GGACT: variants seen among roughly 807,000 people sequenced by gnomAD.
The protein encoded by GGACT is gamma-glutamylamine cyclotransferase.
For missense variants in GGACT, 241 were observed against 233.2 expected (o/e 1.03, Z -0.22); for synonymous variants, 118 against 115.3 (o/e 1.02, Z -0.15).
chr13:100,561,382 A>G (rs1375629707), intron 2 of GGACT, among the ~76,000 whole-genome samples: 1 of 152,236 alleles, frequency 6.6e-6, no homozygotes, highest in African/African-American at 2.4e-5. Context: ...GTATAGATCC[A>G]TAGCAAACAA....
intron 2 of GGACT, among the ~76,000 whole-genome samples, chr13:100,566,726 C>G (rs941373589): frequency 1.3e-5 from 2 of 152,214 alleles, no homozygotes; most frequent in Non-Finnish European, 2.9e-5. Context: ...TGAACACAGT[C>G]ATGTCTGTTT....
At chr13:100,560,917 A>G (rs1207058096) in intron 2 of GGACT, among the ~76,000 whole-genome samples, 1 of 152,186 alleles carries the variant, frequency 6.6e-6, no homozygotes, top group East Asian at 1.9e-4. Context: ...AATTGTGAAC[A>G]TCTCTGACAG....
chr13:100,572,997 G>A (rs947012723), intron 2 of GGACT, among the ~76,000 whole-genome samples: 1 of 151,990 alleles, frequency 6.6e-6, no homozygotes, highest in African/African-American at 2.4e-5. Flanking sequence ...AGAAGCATAG[G>A]GTATTAAGGC....
chr13:100,562,397 C>T (rs1256730454), intron 2 of GGACT, among the ~76,000 whole-genome samples: 1 of 152,218 alleles, frequency 6.6e-6, no homozygotes, highest in African/African-American at 2.4e-5. Context: ...GCACCTCACG[C>T]AGTACCTGTG....
At chr13:100,572,009 A>G (rs1875096342) in intron 2 of GGACT, among the ~76,000 whole-genome samples, 1 of 152,232 alleles carries the variant, frequency 6.6e-6, no homozygotes, top group East Asian at 1.9e-4. Context: ...GTTCTTTATT[A>G]TGAAATTTAA....
At chr13:100,542,010 T>C (rs2088559142) in intron 2 of GGACT, among the ~76,000 whole-genome samples, 1 of 152,230 alleles carries the variant, frequency 6.6e-6, no homozygotes. Context: ...TTTCTGATTG[T>C]GTTTTGAACA....
intron 2 of GGACT, among the ~76,000 whole-genome samples, chr13:100,543,853 T>G (rs2088578612): frequency 6.6e-6 from 1 of 152,254 alleles, no homozygotes; most frequent in South Asian, 2.1e-4. Context: ...TCTTTACATT[T>G]GCTGCATTAA....
intron 2 of GGACT, among the ~76,000 whole-genome samples, chr13:100,565,622 G>A (rs2088804336): frequency 6.6e-6 from 1 of 152,126 alleles, no homozygotes; most frequent in Non-Finnish European, 1.5e-5. Flanking sequence ...TTACGTTGAT[G>A]ATGACGCCCA....
At position 100,532,003 on chromosome 13, in the gene GGACT, A is replaced by C. The variant is rs1295783701; in HGVS notation, c.*127T>G. 1 of 559,482 alleles carries C rather than the reference A, an allele frequency of 1.8e-6. No homozygotes were observed. Among genetic ancestry groups the C allele is most frequent in the East Asian group, 3.2e-5 (1 of 30,900 alleles). 34.7% of individuals were successfully genotyped at this position (559,482 alleles called of 1,614,324 possible). ...ATTTGTAAAATCAGCTGCCACTGAA[A>C]GATTGGTTCCTTTCCGGCAGATTCA... On this transcript the variant is annotated 3_prime_UTR_variant, in exon 3 of 3. Transcript: ENST00000683975.
In GGACT at chr13:100,545,827, C is replaced by T. The variant is rs1025783917; in HGVS notation, c.-10-13226G>A. 4.6e-5 allele frequency among the ~76,000 whole-genome samples: 7 copies of T among 152,316 alleles called. No homozygotes were observed. The highest frequency in any genetic ancestry group is 1.9e-4 in the East Asian group (1 of 5,176). ...TTGCAAGCAGAACCTGTTCCCCCTACAGAAGGAAGTAAGGGTTCGGAGAAT... is the reference window on the plus strand; with the variant it reads ...TTGCAAGCAGAACCTGTTCCCCCTATAGAAGGAAGTAAGGGTTCGGAGAAT... On this transcript the variant is annotated intron_variant, in intron 2 of 2. Coordinates refer to ENST00000683975, the MANE Select transcript of GGACT (RefSeq NM_001195087.2). This position sits in a 1 kb window ranked among gnomAD's most constrained non-coding sequence, Gnocchi z 4.4.
chr13:100,586,105 G>A (rs1185002367), intron 1 of GGACT, among the ~76,000 whole-genome samples: 1 of 152,112 alleles, frequency 6.6e-6, no homozygotes, highest in East Asian at 1.9e-4. Flanking sequence ...TCATGGACTA[G>A]GTTTTAGAAA....
chr13:100,538,612 G>A (rs2088520871), intron 2 of GGACT: 1 of 152,168 alleles, frequency 6.6e-6, no homozygotes, highest in Admixed American at 6.5e-5. Flanking sequence ...CAGATAAGGA[G>A]GAATTCCTGT....
At chr13:100,566,423 A>C (rs1215239863) in intron 2 of GGACT, among the ~76,000 whole-genome samples, 1 of 151,640 alleles carries the variant, frequency 6.6e-6, no homozygotes, top group East Asian at 1.9e-4. Context: ...ACTCCTCAGC[A>C]CTCTGCCTGG....
chr13:100,588,485 G>A (rs1002373758), intron 1 of GGACT: 5 of 152,200 alleles, frequency 3.3e-5, no homozygotes, highest in African/African-American at 1.2e-4. Flanking sequence ...TGCCCGTTCT[G>A]GCAATCGCGC....
At position 100,530,437 on chromosome 13, in the gene GGACT, A is replaced by ATTAG; in HGVS notation, c.*1689_*1692dup. On this transcript the variant is annotated 3_prime_UTR_variant, in exon 3 of 3. Transcript: ENST00000683975. ...AATAAAACTGAGCATTTGTCTAAATATTAGTTTGCCCTTTCTTTGAATGAA... is the reference window on the plus strand; with the variant it reads ...AATAAAACTGAGCATTTGTCTAAATATTAGTTAGTTTGCCCTTTCTTTGAATGAA... 3 of 550,140 alleles carry ATTAG rather than the reference A, an allele frequency of 5.5e-6. No individual in the cohort carries two copies. Among genetic ancestry groups the ATTAG allele is most frequent in the Non-Finnish European group, 9.8e-6 (3 of 306,280 alleles). 34.1% of individuals were successfully genotyped at this position (550,140 alleles called of 1,614,324 possible). A position where few individuals can be genotyped will look rare whatever the true frequency, so the allele number is the denominator to read the frequency against.
intron 2 of GGACT, among the ~76,000 whole-genome samples, chr13:100,567,217 A>G (rs1874920901): frequency 6.6e-6 from 1 of 152,228 alleles, no homozygotes; most frequent in African/African-American, 2.4e-5. Context: ...TGCCCTTTAT[A>G]GTTAAGCATT....
intron 2 of GGACT, among the ~76,000 whole-genome samples, chr13:100,547,989 T>G (rs1344939690): frequency 6.6e-6 from 1 of 152,242 alleles, no homozygotes; most frequent in Non-Finnish European, 1.5e-5. Flanking sequence ...AAAATATGTT[T>G]ATTCTGCCTG....
chr13:100,550,797 C>T (rs1050121344), intron 2 of GGACT, among the ~76,000 whole-genome samples: 14 of 152,182 alleles, frequency 9.2e-5, no homozygotes, highest in East Asian at 1.9e-4. Context: ...GCAGAACAGC[C>T]GCTTTGTTTT....
At chr13:100,551,080 T>C (rs1306992793) in intron 2 of GGACT, among the ~76,000 whole-genome samples, 4 of 151,898 alleles carry the variant, frequency 2.6e-5, no homozygotes, top group Non-Finnish European at 4.4e-5. Context: ...ATCAGGAGAT[T>C]GAGATCATCC....
Sources: allele counts gnomAD v4.1 joint callset (sites outside exome capture counted in the v4.1 genomes callset), GRCh38; gene constraint gnomAD v4.1.1; non-coding constraint Gnocchi (gnomAD v3.1); transcripts MANE v1.5; gene names NCBI Gene and HGNC (gene_info 2026-07-23, HGNC 2026-07-21).